Variants in MCC observed in about 807,000 individuals in gnomAD.
MCC encodes the protein colorectal mutant cancer protein.
A neutral mutation model predicts 116.2 loss-of-function variants in MCC; 90 were observed. The observed-to-expected ratio is 0.77, with a 90% CI of 0.65 to 0.92. The LOEUF is 0.92. Among genes scored for constraint, MCC ranks in the 40% least tolerant of loss-of-function variants. MCC has a pLI of 0.00. For missense variants in MCC, 1,516 were observed against 1,312.2 expected (o/e 1.16, Z -2.40); for synonymous variants, 578 against 510.5 (o/e 1.13, Z -1.78).
chr5:113,395,669 C>T (rs1171708939), intron 1 of MCC, among the ~76,000 whole-genome samples: 2 of 152,186 alleles, frequency 1.3e-5, no homozygotes, highest in African/African-American at 4.8e-5. Context: ...TCCATGCACG[C>T]TTAACCTTGG....
At chr5:113,067,608 C>T (rs1232825268) in intron 13 of MCC, among the ~76,000 whole-genome samples, 10 of 152,298 alleles carry the variant, frequency 6.6e-5, no homozygotes, top group Middle Eastern at 3.4e-3. Flanking sequence ...TGCACTCCAG[C>T]CTGGGCAACA....
chr5:113,473,367 T>C (rs987305335), intron 1 of MCC, among the ~76,000 whole-genome samples: 7 of 151,706 alleles, frequency 4.6e-5, no homozygotes, highest in Non-Finnish European at 8.8e-5. Flanking sequence ...CTAGAAAAAA[T>C]GTTTAAATTA....
chr5:113,081,873 G>T (rs1010608255), intron 11 of MCC, among the ~76,000 whole-genome samples: 1 of 152,228 alleles, frequency 6.6e-6, no homozygotes, highest in Admixed American at 6.5e-5. Context: ...CCATACACAA[G>T]AGGAATGGAA....
At chr5:113,082,086 C>G (rs190030859) in intron 11 of MCC, among the ~76,000 whole-genome samples, 61 of 152,356 alleles carry the variant, frequency 4.0e-4, no homozygotes, top group Non-Finnish European at 6.2e-4. Context: ...CCTGGTCATT[C>G]TCCTTTGCTT....
intron 3 of MCC, among the ~76,000 whole-genome samples, chr5:113,187,543 C>A (rs950466139): frequency 3.9e-5 from 6 of 152,026 alleles, no homozygotes; most frequent in African/African-American, 1.4e-4. Flanking sequence ...CAAACTTACC[C>A]TAGAAAAGAA....
chr5:113,093,368 C>G (rs1339843225), intron 8 of MCC, among the ~76,000 whole-genome samples: 2 of 152,082 alleles, frequency 1.3e-5, no homozygotes, highest in African/African-American at 4.8e-5. Context: ...GCTTAGAATT[C>G]AAGGGTCGAG....
At chr5:113,284,207 G>T (rs989794643) in intron 3 of MCC, among the ~76,000 whole-genome samples, 1 of 152,162 alleles carries the variant, frequency 6.6e-6, no homozygotes, top group African/African-American at 2.4e-5. Context: ...AAAAGTAGCC[G>T]GATGTCTTGG....
intron 1 of MCC, among the ~76,000 whole-genome samples, chr5:113,422,389 T>C (rs988197016): frequency 6.6e-6 from 1 of 152,236 alleles, no homozygotes; most frequent in South Asian, 2.1e-4. Flanking sequence ...TTGTTGTTCA[T>C]GTAATTTATT....
intron 1 of MCC, among the ~76,000 whole-genome samples, chr5:113,408,242 C>T (rs949696435): frequency 6.6e-6 from 1 of 152,114 alleles, no homozygotes; most frequent in Non-Finnish European, 1.5e-5. Flanking sequence ...TCTGGAGCAA[C>T]AAAAATAAAC....
At chr5:113,076,367 C>A (rs1400014323) in intron 11 of MCC, among the ~76,000 whole-genome samples, 2 of 152,050 alleles carry the variant, frequency 1.3e-5, no homozygotes, top group African/African-American at 4.8e-5. Context: ...TCAGATTCAC[C>A]AAAGTTGAAA....
At chr5:113,331,795 A>C (rs201736864) in intron 3 of MCC, among the ~76,000 whole-genome samples, 1 of 35,722 alleles carries the variant, frequency 2.8e-5, no homozygotes. Flanking sequence ...CGCCACCACA[A>C]CCCGGCTAAT....
intron 3 of MCC, among the ~76,000 whole-genome samples, chr5:113,225,976 C>A (rs562575993): frequency 6.6e-6 from 1 of 152,384 alleles, no homozygotes; most frequent in South Asian, 2.1e-4. Flanking sequence ...GGTTCCAGAC[C>A]AGACTGGCCA....
chr5:113,121,867 G>C (rs998982292), intron 6 of MCC, among the ~76,000 whole-genome samples: 2 of 150,650 alleles, frequency 1.3e-5, no homozygotes, highest in African/African-American at 5.0e-5. Flanking sequence ...TCAACCACAG[G>C]GATCACCTTA....
At chr5:113,109,247 A>T (rs985392909) in intron 6 of MCC, among the ~76,000 whole-genome samples, 1 of 152,222 alleles carries the variant, frequency 6.6e-6, no homozygotes, top group Non-Finnish European at 1.5e-5. Context: ...CACAGTAGCC[A>T]AAAGGTGGAA....
At chr5:113,466,201 ACTTT>A (rs1430324699) in intron 1 of MCC, among the ~76,000 whole-genome samples, 3 of 150,754 alleles carry the variant, frequency 2.0e-5, no homozygotes, top group Non-Finnish European at 4.4e-5. Flanking sequence ...TTATTATTAT[ACTTT>A]AAGTTTTAGG....
At chr5:113,298,195 G>T (rs758741959) in intron 3 of MCC, among the ~76,000 whole-genome samples, 1 of 152,176 alleles carries the variant, frequency 6.6e-6, no homozygotes, top group Non-Finnish European at 1.5e-5. Context: ...TTGTTTTTAT[G>T]GAGGCCAAAG....
At chr5:113,281,567 A>T (rs74316006) in intron 3 of MCC, among the ~76,000 whole-genome samples, 2,336 of 152,256 alleles carry the variant, frequency 0.015, 64 homozygotes, top group African/African-American at 0.049. Context: ...CCTGGGACAA[A>T]ATTAGGGCAA....
Position 113,347,384 on chromosome 5 carries a change from GT to G in MCC, c.416-6655del, listed in dbSNP as rs141871825. On this transcript the variant is annotated intron_variant, in intron 2 of 18. Coordinates refer to ENST00000408903, the MANE Select transcript of MCC (RefSeq NM_001085377.2). ...GAATTTTTATTAGTTTTCTTTTCGT[GT>G]TTTTTTGTTTGTTTATGCAATCAGT... Among the ~76,000 whole-genome samples the G allele has an allele frequency of 3.3e-5, 5 of 151,836 alleles. No individual in the cohort carries two copies. In the East Asian group the frequency reaches 7.7e-4, roughly 23 times the overall value.
Position 113,113,402 on chromosome 5 carries a change from G to A in MCC, c.1028-9047C>T, listed in dbSNP as rs781020592. Among the ~76,000 whole-genome samples, 29 of 152,232 alleles carry A rather than the reference G, an allele frequency of 1.9e-4. 1 individual carries two copies. The highest frequency in any genetic ancestry group is 1.2e-3 in the Admixed American group (18 of 15,282). ...ACATAGAAAATTAGAAAACAGAATA[G>A]TCAACTTTTAGGGTTGAACACCAAA... On this transcript the variant is annotated intron_variant, in intron 6 of 18. Transcript: ENST00000408903.
Sources: gnomAD v4.1 joint callset for allele counts (sites outside exome capture counted in the v4.1 genomes callset) on GRCh38, gnomAD v4.1.1 for gene constraint, MANE v1.5 for transcripts, NCBI Gene and HGNC (gene_info 2026-07-23, HGNC 2026-07-21) for gene names.